Variants in CRYBB2 observed in about 807,000 individuals in gnomAD.
The protein encoded by CRYBB2 is crystallin beta B2.
In CRYBB2, 12 loss-of-function variants were observed where a neutral mutation model predicts 24.3. The observed-to-expected ratio is 0.49, with a 90% CI of 0.32 to 0.80. The LOEUF (loss-of-function observed/expected upper bound fraction) is 0.80, where lower values mean the gene tolerates loss of function less well. CRYBB2 is among the 30% of genes least tolerant of loss of function. The pLI, the probability that CRYBB2 is intolerant of heterozygous loss-of-function variation, is 0.04. For missense variants in CRYBB2, 198 were observed against 268.5 expected, an observed-to-expected ratio of 0.74 and a Z score of 1.83; for synonymous variants, 98 against 101.6, an observed-to-expected ratio of 0.96 and a Z score of 0.21.
intron 2 of CRYBB2, among the ~76,000 whole-genome samples, chr22:25,222,912 G>C (rs1404527954): frequency 6.6e-6 from 1 of 152,118 alleles, no homozygotes; most frequent in Non-Finnish European, 1.5e-5. Flanking sequence ...AAAATATGAT[G>C]TGTATGTTAC....
intron 2 of CRYBB2, among the ~76,000 whole-genome samples, chr22:25,224,184 A>C (rs993842985): frequency 6.6e-6 from 1 of 150,926 alleles, no homozygotes. Context: ...CATCATGGTT[A>C]ATGCTTGGAT....
chr22:25,212,583 G>A (rs763833485), exon 1 of CRYBB2, among the ~76,000 whole-genome samples: 17 of 152,166 alleles, frequency 1.1e-4, no homozygotes, highest in Middle Eastern at 3.2e-3. Context: ...CCTTTCCGTC[G>A]GACATCTTTG....
At chr22:25,214,028 C>T (rs1935137151) in intron 1 of CRYBB2, among the ~76,000 whole-genome samples, 1 of 152,166 alleles carries the variant, frequency 6.6e-6, no homozygotes, top group Non-Finnish European at 1.5e-5. Context: ...AGCAAACTAC[C>T]CAGGTCACAT....
upstream of CRYBB2, among the ~76,000 whole-genome samples, chr22:25,217,906 C>G (rs1272738333): frequency 6.6e-6 from 1 of 152,086 alleles, no homozygotes; most frequent in Non-Finnish European, 1.5e-5. Flanking sequence ...ACCCAGTCTC[C>G]AAGCCTCAGA....
At position 25,221,455 on chromosome 22, in the gene CRYBB2, C is replaced by T. The variant is rs776245335; in HGVS notation, c.26C>T (p.Ala9Val). ...ATGGCCTCAGATCACCAGACCCAGG[C>T]GGGCAAGCCACAGTCCCTCAACCCC... is the stretch of plus-strand genomic sequence containing the variant. MASDHQTQ[A>V]GKPQSLNPKI... Residue 9 changes from alanine to valine, a missense_variant, in exon 2 of 6, where the codon GCG (alanine) becomes GTG (valine). Transcript: ENST00000398215. 3.5e-5 allele frequency: 57 copies of T among 1,613,728 alleles called. No homozygotes were observed. In the East Asian group the frequency reaches 4.5e-4, roughly 13 times the overall value.
intron 1 of CRYBB2, among the ~76,000 whole-genome samples, chr22:25,214,088 A>T (rs713825): frequency 0.73 from 110,856 of 152,088 alleles, 41,690 homozygotes; most frequent in East Asian, 0.92. Flanking sequence ...ACTGAAACTC[A>T]AGTACTTTGG....
chr22:25,221,533 A>G, intron 2 of CRYBB2, 50 bp downstream of exon 2: 1 of 1,434,174 alleles, frequency 7.0e-7, no homozygotes, highest in Non-Finnish European at 9.8e-7. Flanking sequence ...CCCCAGACTT[A>G]GTTGCCCTTC....
chr22:25,221,850 C>T (rs905870312), intron 2 of CRYBB2, among the ~76,000 whole-genome samples: 4 of 152,198 alleles, frequency 2.6e-5, no homozygotes, highest in African/African-American at 9.6e-5. Flanking sequence ...TCTGCACCTG[C>T]TGTGTGATCC....
intron 3 of CRYBB2, 57 bp downstream of exon 3, chr22:25,225,093 T>A: frequency 1.1e-6 from 1 of 947,066 alleles, no homozygotes; most frequent in South Asian, 1.3e-5. Context: ...GATCAAGTTG[T>A]GGAGTGGGGG....
At chr22:25,222,662 C>T (rs1386313944) in intron 2 of CRYBB2, among the ~76,000 whole-genome samples, 1 of 152,180 alleles carries the variant, frequency 6.6e-6, no homozygotes, top group African/African-American at 2.4e-5. Flanking sequence ...TGGGAATGAA[C>T]TGGGTGAGTT....
At chr22:25,218,379 G>A (rs1042745658), upstream of CRYBB2, among the ~76,000 whole-genome samples, 5 of 152,006 alleles carry the variant, frequency 3.3e-5, no homozygotes, top group Admixed American at 2.6e-4. Context: ...GAAACAGGCC[G>A]GGTGCAGTGG....
chr22:25,217,565 G>A (rs971014428), upstream of CRYBB2, among the ~76,000 whole-genome samples: 7 of 151,934 alleles, frequency 4.6e-5, no homozygotes, highest in African/African-American at 1.7e-4. Flanking sequence ...GATCCGCCTG[G>A]CTTGGCTTCC....
chr22:25,224,409 T>G (rs1468333999), intron 2 of CRYBB2, among the ~76,000 whole-genome samples: 1 of 152,160 alleles, frequency 6.6e-6, no homozygotes, highest in Non-Finnish European at 1.5e-5. Context: ...ATTAACATAA[T>G]TATGTCTTAA....
chr22:25,231,058 G>A (rs1037457799), intron 5 of CRYBB2, among the ~76,000 whole-genome samples: 11 of 152,208 alleles, frequency 7.2e-5, no homozygotes, highest in Non-Finnish European at 1.6e-4. Context: ...AGAATGCGAA[G>A]TAGAGCTGGA....
At chr22:25,228,702 C>T (rs1291158223) in intron 4 of CRYBB2, among the ~76,000 whole-genome samples, 3 of 152,214 alleles carry the variant, frequency 2.0e-5, no homozygotes, top group East Asian at 3.8e-4. Context: ...GCCTTGAGCA[C>T]GTCATTTGAC....
upstream of CRYBB2, among the ~76,000 whole-genome samples, chr22:25,218,798 G>A (rs1283247924): frequency 2.0e-5 from 2 of 98,402 alleles, no homozygotes; most frequent in African/African-American, 4.6e-5. Flanking sequence ...AAGAAAGAAA[G>A]AAAGAAAGAA....
At chr22:25,222,369 G>A (rs1935336197) in intron 2 of CRYBB2, among the ~76,000 whole-genome samples, 1 of 152,246 alleles carries the variant, frequency 6.6e-6, no homozygotes, top group African/African-American at 2.4e-5. Context: ...ACTAGGGGAA[G>A]GGGCTCCTGA....
rs1161058226 is a variant in CRYBB2 at position 25,226,559 on chromosome 22, G to T, written c.174-1294G>T. Among the ~76,000 whole-genome samples the T allele has an allele frequency of 3.3e-5, 5 of 152,138 alleles. No homozygotes were observed. The South Asian group carries it at 1.0e-3, about 32-fold the overall frequency. On this transcript the variant is annotated intron_variant, in intron 3 of 5. Coordinates refer to ENST00000398215, the MANE Select transcript of CRYBB2 (RefSeq NM_000496.3). Reference sequence around the variant, plus strand: ...TCCATGATTGAATATGCCATATCCAGGTCCTGATTGTAGGATGTTTAAGTT... The same window carrying T: ...TCCATGATTGAATATGCCATATCCATGTCCTGATTGTAGGATGTTTAAGTT...
At chr22:25,221,512 C>T (rs758568953) in intron 2 of CRYBB2, 29 bp downstream of exon 2, 2 of 1,554,580 alleles carry the variant, frequency 1.3e-6, no homozygotes, top group African/African-American at 1.4e-5. Flanking sequence ...AGGGGGCATG[C>T]AATGCTCCTC....
Sources: allele counts gnomAD v4.1 joint callset (sites outside exome capture counted in the v4.1 genomes callset), GRCh38; gene constraint gnomAD v4.1.1; transcripts MANE v1.5; gene names NCBI Gene and HGNC (gene_info 2026-07-23, HGNC 2026-07-21).